The following KDM4C variants were observed in gnomAD, a reference collection of about 807,000 sequenced individuals.
The protein encoded by KDM4C is lysine-specific demethylase 4C.
In KDM4C, 81 loss-of-function variants were observed where a neutral mutation model predicts 129.3. The ratio of observed to expected loss-of-function variants is 0.63; its 90% CI spans 0.52 to 0.75. KDM4C has a LOEUF of 0.75. KDM4C is among the 30% of genes least tolerant of loss of function. The pLI is 0.00. For missense variants in KDM4C, 1,457 were observed against 1,304.0 expected (o/e 1.12, Z -1.81); for synonymous variants, 573 against 456.1 (o/e 1.26, Z -3.26).
At chr9:6,771,810 G>A (rs776401635) in intron 1 of KDM4C, among the ~76,000 whole-genome samples, 8 of 151,952 alleles carry the variant, frequency 5.3e-5, no homozygotes, top group African/African-American at 1.9e-4. Context: ...TGAGGGGCTC[G>A]CTGCCCAGGC....
chr9:7,153,992 C>T (rs1271397702), intron 19 of KDM4C, among the ~76,000 whole-genome samples: 1 of 152,168 alleles, frequency 6.6e-6, no homozygotes, highest in Non-Finnish European at 1.5e-5. Flanking sequence ...CTACTTGTTT[C>T]TCTGCATCTC....
intron 5 of KDM4C, among the ~76,000 whole-genome samples, chr9:6,878,879 G>GT (rs1404233792): frequency 1.3e-5 from 2 of 152,100 alleles, no homozygotes; most frequent in Non-Finnish European, 2.9e-5. Context: ...TTAAGAACTG[G>GT]TAAGAAGTGG....
At chr9:7,067,710 G>A (rs1041704543) in intron 17 of KDM4C, among the ~76,000 whole-genome samples, 2 of 152,080 alleles carry the variant, frequency 1.3e-5, no homozygotes, top group African/African-American at 4.8e-5. Flanking sequence ...TTTAAAAACC[G>A]AAGTGTATAA....
At chr9:7,092,191 A>T (rs1835886266) in intron 17 of KDM4C, among the ~76,000 whole-genome samples, 1 of 152,182 alleles carries the variant, frequency 6.6e-6, no homozygotes, top group Non-Finnish European at 1.5e-5. Context: ...TTTTGTTTAT[A>T]GAGCACTTCT....
intron 1 of KDM4C, among the ~76,000 whole-genome samples, chr9:6,732,849 C>T (rs183328740): frequency 6.6e-6 from 1 of 152,092 alleles, no homozygotes; most frequent in South Asian, 2.1e-4. Flanking sequence ...CCTGTTTCTA[C>T]TAAAAATACA....
At chr9:6,809,170 A>G (rs1830697809) in intron 3 of KDM4C, among the ~76,000 whole-genome samples, 1 of 152,236 alleles carries the variant, frequency 6.6e-6, no homozygotes, top group Non-Finnish European at 1.5e-5. Flanking sequence ...TATATTTGAT[A>G]TAATTTGAAT....
chr9:6,892,371 T>C (rs1465109497), intron 7 of KDM4C, among the ~76,000 whole-genome samples: 2 of 152,118 alleles, frequency 1.3e-5, no homozygotes, highest in Non-Finnish European at 2.9e-5. Flanking sequence ...CTGTAGACCA[T>C]GGGATATTTT....
At chr9:6,789,863 A>G (rs904709210) in intron 1 of KDM4C, among the ~76,000 whole-genome samples, 6 of 152,058 alleles carry the variant, frequency 3.9e-5, no homozygotes, top group African/African-American at 1.4e-4. Context: ...CCATGTGTTA[A>G]TATATTTTTG....
At position 6,801,273 on chromosome 9, in the gene KDM4C, A is replaced by G. The variant is rs1350972402; in HGVS notation, c.145-4326A>G. 2.7e-4 allele frequency among the ~76,000 whole-genome samples: 19 copies of G among 69,242 alleles called. 1 individual carries two copies. Among genetic ancestry groups the G allele is most frequent in the Non-Finnish European group, 5.2e-5 (2 of 38,636 alleles). 45.4% of individuals were successfully genotyped at this position (69,242 alleles called of 152,430 possible). On this transcript the variant is annotated intron_variant, in intron 2 of 21. Transcript: ENST00000381309. ...TTTTTTTTTTTTTTTTTTTTTTTTG[A>G]GATGGAGTCTCGCTCTGTCCCCAGG...
chr9:7,167,997 C>A (rs1042744468), intron 20 of KDM4C, among the ~76,000 whole-genome samples: 1 of 152,090 alleles, frequency 6.6e-6, no homozygotes. Context: ...GCCTCGCCAA[C>A]GTGGTGCAAC....
intron 4 of KDM4C, among the ~76,000 whole-genome samples, chr9:6,833,224 TAA>T (rs889547766): frequency 5.9e-5 from 9 of 152,182 alleles, no homozygotes; most frequent in African/African-American, 2.2e-4. Context: ...AAAATAAAAT[TAA>T]TATTTCTATT....
At chr9:6,815,453 G>A (rs577095851) in intron 4 of KDM4C, among the ~76,000 whole-genome samples, 30 of 152,184 alleles carry the variant, frequency 2.0e-4, no homozygotes, top group Non-Finnish European at 4.0e-4. Flanking sequence ...GAGCTCAAGA[G>A]ATCTAACTGC....
At chr9:7,122,265 A>ACACACACTCTCTCT (rs375655422) in intron 18 of KDM4C, among the ~76,000 whole-genome samples, 25 of 144,714 alleles carry the variant, frequency 1.7e-4, no homozygotes, top group African/African-American at 6.5e-4. Flanking sequence ...ACACACACAC[A>ACACACACTCTCTCT]CTCTCTCTCT....
intron 8 of KDM4C, among the ~76,000 whole-genome samples, chr9:6,931,303 T>C (rs980362819): frequency 1.6e-4 from 24 of 152,158 alleles, no homozygotes. Flanking sequence ...AATAAATTGG[T>C]TAACAGTGAT....
chr9:7,071,827 G>T (rs550131506), intron 17 of KDM4C, among the ~76,000 whole-genome samples: 4 of 151,810 alleles, frequency 2.6e-5, no homozygotes, highest in Non-Finnish European at 5.9e-5. Context: ...TTGAGTCTAC[G>T]GCCATACCAC....
intron 8 of KDM4C, among the ~76,000 whole-genome samples, chr9:6,921,541 C>T (rs894736475): frequency 3.3e-5 from 5 of 152,232 alleles, no homozygotes; most frequent in Non-Finnish European, 7.3e-5. Context: ...GCTCACCACA[C>T]TCACCACTAT....
intron 18 of KDM4C, among the ~76,000 whole-genome samples, chr9:7,115,604 A>G (rs975013981): frequency 6.6e-5 from 10 of 152,224 alleles, no homozygotes; most frequent in African/African-American, 2.4e-4. Context: ...ATACTGACAA[A>G]ATGTAATGAA....
chr9:6,885,977 C>G (rs1460574244), intron 6 of KDM4C, among the ~76,000 whole-genome samples: 2 of 152,218 alleles, frequency 1.3e-5, no homozygotes, highest in African/African-American at 4.8e-5. Context: ...GGAATAGACT[C>G]TTCTTTCTTC....
At chr9:6,738,524 C>A (rs1012965914) in intron 1 of KDM4C, among the ~76,000 whole-genome samples, 3 of 152,138 alleles carry the variant, frequency 2.0e-5, no homozygotes, top group African/African-American at 7.2e-5. Context: ...GTCTCGACCT[C>A]CCAAGGCTCA....
Sources: gnomAD v4.1 joint callset for allele counts (sites outside exome capture counted in the v4.1 genomes callset) on GRCh38, gnomAD v4.1.1 for gene constraint, MANE v1.5 for transcripts, NCBI Gene and HGNC (gene_info 2026-07-23, HGNC 2026-07-21) for gene names.